Variants in RFX2 observed in about 807,000 individuals in gnomAD.
The protein encoded by RFX2 is regulatory factor X2.
RFX2 carries 20 observed loss-of-function variants against 87.8 expected under a neutral mutation model. The observed-to-expected ratio is 0.23, with a 90% confidence interval of 0.16 to 0.33. The LOEUF (loss-of-function observed/expected upper bound fraction) is 0.33. Ranked by LOEUF, RFX2 falls within the 10% of genes least tolerant of loss-of-function variation. The pLI is 1.00. For missense variants in RFX2, 767 were observed against 1,012.3 expected, an observed-to-expected ratio of 0.76 and a Z score of 3.29; for synonymous variants, 397 against 431.3, an observed-to-expected ratio of 0.92 and a Z score of 0.98.
At chr19:6,105,073 G>A (rs2088192620) in intron 1 of RFX2, among the ~76,000 whole-genome samples, 1 of 147,186 alleles carries the variant, frequency 6.8e-6, no homozygotes, top group Non-Finnish European at 1.5e-5. Context: ...AGCCGAGATT[G>A]CACCACTACA....
chr19:6,095,067 G>A (rs1275390674), intron 1 of RFX2, among the ~76,000 whole-genome samples: 2 of 152,158 alleles, frequency 1.3e-5, no homozygotes, highest in African/African-American at 4.8e-5. Flanking sequence ...AGCCGAGATC[G>A]CGCCACCGCA....
intron 1 of RFX2, among the ~76,000 whole-genome samples, chr19:6,059,372 C>T (rs73923433): frequency 0.063 from 9,622 of 152,114 alleles, 752 homozygotes; most frequent in African/African-American, 0.19. Context: ...CAATAATATA[C>T]CAAATTCAGG....
At chr19:6,046,605 CTTTTTT>C (rs55854937) in intron 2 of RFX2, among the ~76,000 whole-genome samples, 32 of 90,584 alleles carry the variant, frequency 3.5e-4, no homozygotes, top group Middle Eastern at 0.01. Context: ...GCCTTTTTGC[CTTTTTT>C]TTTTTTTTTT....
At position 6,044,724 on chromosome 19, in the gene RFX2, C is replaced by T. The variant is rs1051344069; in HGVS notation, c.91-442G>A. 2.0e-5 allele frequency among the ~76,000 whole-genome samples: 3 copies of T among 152,232 alleles called. No homozygotes were observed. Among genetic ancestry groups the T allele is most frequent in the African/African-American group, 4.8e-5 (2 of 41,466 alleles). ...CTCTGGATAGCCATCCGCACCACTG[C>T]GTGGGAGAGCACTCTGTGGCGCCCC... On this transcript the variant is annotated intron_variant, in intron 2 of 17. Coordinates refer to ENST00000303657, the MANE Select transcript of RFX2 (RefSeq NM_000635.4). The surrounding 1 kb of genome is among the most constrained non-coding windows in gnomAD (Gnocchi z 5.3).
rs765256838 is a variant in RFX2 at position 6,047,477 on chromosome 19, C to T, written c.20G>A (p.Gly7Glu). 4.0e-5 allele frequency: 64 copies of T among 1,608,490 alleles called. No homozygotes were observed. The Middle Eastern group carries it at 2.1e-3, about 54-fold the overall frequency. MQNSEG[G>E]ADSPASVALR... is the part of the protein sequence containing the mutation. ...AGCCACGGACGCTGGCGAATCCGCT[C>T]CACCCTCGGAATTCTGCATGCTCAG... The change falls in exon 2 of 18, where the codon GGA (glycine) becomes GAA (glutamate). Residue 7 changes from glycine to glutamate, a missense_variant. This residue lies in a region of RFX2 where 146 missense variants were observed against 139.2 expected (regional missense o/e 1.05). Coordinates refer to ENST00000303657, the MANE Select transcript of RFX2 (RefSeq NM_000635.4). This position sits in a 1 kb window ranked among gnomAD's most constrained non-coding sequence, Gnocchi z 4.2.
chr19:6,059,506 T>C (rs541905230), intron 1 of RFX2, among the ~76,000 whole-genome samples: 16 of 152,294 alleles, frequency 1.1e-4, no homozygotes, highest in Admixed American at 7.2e-4. Flanking sequence ...ACTTGGTTTC[T>C]AGGAAATGGA....
In RFX2 at chr19:5,993,445, G is replaced by A. The variant is rs1403286649; in HGVS notation, c.*1390C>T. On this transcript the variant is annotated 3_prime_UTR_variant, in exon 18 of 18. Coordinates refer to ENST00000303657, the MANE Select transcript of RFX2 (RefSeq NM_000635.4). ...TGAGCTCCTGCGGGCGGGGAAGTAG[G>A]TTTTTAAAGGCCACGTGAGCTGACA... 1 of 152,234 alleles carries A rather than the reference G, an allele frequency of 6.6e-6. No individual in the cohort carries two copies. Among genetic ancestry groups the A allele is most frequent in the Non-Finnish European group, 1.5e-5 (1 of 68,052 alleles). The allele number at this position is 152,234 out of a possible 1,614,324, so 9.4% of individuals were successfully genotyped here. A position where few individuals can be genotyped will look rare whatever the true frequency, so the allele number is the denominator to read the frequency against.
In RFX2 at chr19:6,010,230, C is replaced by G. The variant is rs774609450; in HGVS notation, c.921G>C (p.Thr307=). The G allele has an allele frequency of 2.6e-6, 4 of 1,547,634 alleles. No individual in the cohort carries two copies. The South Asian group carries it at 4.8e-5, about 18-fold the overall frequency. ...QKPRYRPAQK[T]DSLGDSGSHS... is the part of the protein sequence containing the mutation. ...GGGAGCCGCTGTCCCCGAGGCTGTCCGTCTTCTGGGCTGGCCGGTACCTAG... is the reference window on the plus strand; with the variant it reads ...GGGAGCCGCTGTCCCCGAGGCTGTCGGTCTTCTGGGCTGGCCGGTACCTAG... The change falls in exon 9 of 18, where the codon ACG becomes ACC. Residue 307 remains threonine, a synonymous_variant. Transcript: ENST00000303657. This position sits in a 1 kb window ranked among gnomAD's most constrained non-coding sequence, Gnocchi z 5.0.
chr19:6,019,317 C>T (rs1410167219), intron 6 of RFX2, among the ~76,000 whole-genome samples: 1 of 152,168 alleles, frequency 6.6e-6, no homozygotes, highest in East Asian at 1.9e-4. Flanking sequence ...AAGTCATTCA[C>T]ACCCTTCATC....
Position 6,101,399 on chromosome 19 carries a change from T to C in RFX2, c.-9+8994A>G, listed in dbSNP as rs1599934986. Among the ~76,000 whole-genome samples the C allele has an allele frequency of 6.6e-6, 1 of 152,236 alleles. No individual in the cohort carries two copies. Among genetic ancestry groups the C allele is most frequent in the Admixed American group, 6.5e-5 (1 of 15,286 alleles). ...TGGGAAAAAGGCCTTCGTGTTATTT[T>C]CTTTGGGTTTCCACTGGCCTGGGTG... On this transcript the variant is annotated intron_variant, in intron 1 of 17. Coordinates refer to ENST00000303657, the MANE Select transcript of RFX2 (RefSeq NM_000635.4). The surrounding 1 kb of genome is among the most constrained non-coding windows in gnomAD (Gnocchi z 4.9).
At position 6,056,391 on chromosome 19, in the gene RFX2, C is replaced by T. The variant is rs1036864112; in HGVS notation, c.-8-8887G>A. Among the ~76,000 whole-genome samples, 4 of 152,168 alleles carry T rather than the reference C, an allele frequency of 2.6e-5. No homozygotes were observed. Among genetic ancestry groups the T allele is most frequent in the Admixed American group, 6.5e-5 (1 of 15,274 alleles). On this transcript the variant is annotated intron_variant, in intron 1 of 17. Transcript: ENST00000303657. The surrounding 1 kb of genome is among the most constrained non-coding windows in gnomAD (Gnocchi z 4.6). ...AACAAACACACACACAAGACACCAG[C>T]GATGAGCAGGAGTGGCTCATGATCC... is the stretch of plus-strand genomic sequence containing the variant.
rs374567825 is a variant in RFX2 at position 6,045,925 on chromosome 19, G to GA, written c.90+1481dup. On this transcript the variant is annotated intron_variant, in intron 2 of 17. Transcript: ENST00000303657. This position sits in a 1 kb window ranked among gnomAD's most constrained non-coding sequence, Gnocchi z 5.2. ...TGGTCTCAAACTCCTGACCTCAGGT[G>GA]ATCCACCCACCTTGGCCTCCCAAAG... Among the ~76,000 whole-genome samples, 126 of 152,244 alleles carry GA rather than the reference G, an allele frequency of 8.3e-4. No homozygotes were observed. The highest frequency in any genetic ancestry group is 3.4e-3 in the Middle Eastern group (1 of 294).
In RFX2 at chr19:6,036,657, G is replaced by T. The variant is rs1426474756; in HGVS notation, c.522+3323C>A. Among the ~76,000 whole-genome samples, 5 of 152,242 alleles carry T rather than the reference G, an allele frequency of 3.3e-5. No individual in the cohort carries two copies. In the East Asian group the frequency reaches 9.6e-4, roughly 29 times the overall value. On this transcript the variant is annotated intron_variant, in intron 5 of 17. Coordinates refer to ENST00000303657, the MANE Select transcript of RFX2 (RefSeq NM_000635.4). ...CAAAAATATGCTGATGCTTACATAT[G>T]TAAAAAAACGTTTGACAGAATTCAA...
At position 6,047,428 on chromosome 19, in the gene RFX2, C is replaced by T. The variant is rs113109060; in HGVS notation, c.69G>A (p.Pro23=). 9 of 1,598,734 alleles carry T rather than the reference C, an allele frequency of 5.6e-6. No homozygotes were observed. The highest frequency in any genetic ancestry group is 1.3e-5 in the African/African-American group (1 of 74,706). ...TTACCTGCGGGGAGGCTGGCACAGG[C>T]GGGGCTGCCGCCGAGGGACGCAGAG... ...SVALRPSAAA[P]PVPASPQRVL... is the part of the protein sequence containing the mutation. Residue 23 remains proline, a synonymous_variant, in exon 2 of 18, where the codon CCG becomes CCA. Coordinates refer to ENST00000303657, the MANE Select transcript of RFX2 (RefSeq NM_000635.4). This position sits in a 1 kb window ranked among gnomAD's most constrained non-coding sequence, Gnocchi z 4.2.
chr19:6,012,819 G>C lies in RFX2; in HGVS notation c.899+167C>G, dbSNP rs961409362. Among the ~76,000 whole-genome samples the C allele has an allele frequency of 6.6e-6, 1 of 152,338 alleles. No homozygotes were observed. The highest frequency in any genetic ancestry group is 2.1e-4 in the South Asian group (1 of 4,834). On this transcript the variant is annotated intron_variant, in intron 8 of 17. Transcript: ENST00000303657. This position sits in a 1 kb window ranked among gnomAD's most constrained non-coding sequence, Gnocchi z 4.6. ...GGAGGAGGTTGCATCCCAGCCTCCTGTGTCTCCTGCTAGACTCACCTCAGT... is the reference window on the plus strand; with the variant it reads ...GGAGGAGGTTGCATCCCAGCCTCCTCTGTCTCCTGCTAGACTCACCTCAGT...
chr19:6,098,965 C>CAAAAAAAAAAAAAAAAAAA (rs34110529), intron 1 of RFX2, among the ~76,000 whole-genome samples: 1 of 52,730 alleles, frequency 1.9e-5, no homozygotes, highest in African/African-American at 5.2e-5. Flanking sequence ...GCTTGAACCA[C>CAAAAAAAAAAAAAAAAAAA]AAAAAAAAAA....
chr19:6,040,189 T>C lies in RFX2; in HGVS notation c.313A>G (p.Thr105Ala). ...CCTGGGGCCTCGAAGTAAGAAGCCGTGCTGCTGGGGGCGTACATCTGAGGC... is the reference window on the plus strand; with the variant it reads ...CCTGGGGCCTCGAAGTAAGAAGCCGCGCTGCTGGGGGCGTACATCTGAGGC... ...PEPQMYAPSSTASYFEAPGGA... is the reference protein window; with the variant it reads ...PEPQMYAPSSAASYFEAPGGA... Residue 105 changes from threonine to alanine, a missense_variant, in exon 5 of 18, where the codon ACG (threonine) becomes GCG (alanine). Physicochemically the swap from Thr to Ala is moderately conservative, Grantham distance 58 (BLOSUM62 0). Around this residue, in one of 2 missense-constraint regions of RFX2, gnomAD observed 621 missense variants for 873.0 expected, o/e 0.71. Transcript: ENST00000303657. This position sits in a 1 kb window ranked among gnomAD's most constrained non-coding sequence, Gnocchi z 6.1. The C allele has an allele frequency of 6.3e-7, 1 of 1,595,882 alleles. No homozygotes were observed. Among genetic ancestry groups the C allele is most frequent in the Non-Finnish European group, 8.6e-7 (1 of 1,166,118 alleles).
chr19:6,067,437 C>T lies in RFX2; in HGVS notation c.-8-19933G>A, dbSNP rs535438013. ...CTGCGCCGGCTCTTCCCTCCCTACC[C>T]GGAGAGAGGAAGACTTTTCTAAGAG... On this transcript the variant is annotated intron_variant, in intron 1 of 17. Coordinates refer to ENST00000303657, the MANE Select transcript of RFX2 (RefSeq NM_000635.4). 2.6e-5 allele frequency among the ~76,000 whole-genome samples: 4 copies of T among 152,242 alleles called. No individual in the cohort carries two copies. In the East Asian group the frequency reaches 5.8e-4, roughly 22 times the overall value.
Position 5,994,475 on chromosome 19 carries a change from A to G in RFX2, c.*360T>C, listed in dbSNP as rs1461768925. On this transcript the variant is annotated 3_prime_UTR_variant, in exon 18 of 18. Coordinates refer to ENST00000303657, the MANE Select transcript of RFX2 (RefSeq NM_000635.4). ...GAAAATTGGTTCCAGTTGAGTGCAG[A>G]GGCCAGTGCTCTCAGCACAGCCCTT... 1 of 215,466 alleles carries G rather than the reference A, an allele frequency of 4.6e-6. No homozygotes were observed. Among genetic ancestry groups the G allele is most frequent in the Non-Finnish European group, 9.2e-6 (1 of 108,998 alleles). 13.3% of individuals were successfully genotyped at this position (215,466 alleles called of 1,614,324 possible).
Sources: allele counts gnomAD v4.1 joint callset (sites outside exome capture counted in the v4.1 genomes callset), GRCh38; gene constraint gnomAD v4.1.1; regional missense constraint gnomAD v4.1.1; non-coding constraint Gnocchi (gnomAD v3.1); transcripts MANE v1.5; gene names NCBI Gene and HGNC (gene_info 2026-07-23, HGNC 2026-07-21).